KMT2C: variants seen among roughly 807,000 people sequenced by gnomAD.
KMT2C encodes the protein lysine methyltransferase 2C.
Under a neutral mutation model 507.9 loss-of-function variants are expected in KMT2C, and 88 were observed. The ratio of observed to expected loss-of-function variants is 0.17; its 90% CI spans 0.15 to 0.21. The LOEUF is 0.21. Ranked by LOEUF, KMT2C falls within the 10% of genes least tolerant of loss-of-function variation. The pLI is 1.00. For synonymous variants in KMT2C, 2,049 were observed against 2,080.8 expected (o/e 0.98, Z 0.42); for missense variants, 4,954 against 5,957.8 (o/e 0.83, Z 5.55).
rs554718860 is a variant in KMT2C at position 152,232,299 on chromosome 7, T to C, written c.2770-1978A>G. 2.0e-5 allele frequency among the ~76,000 whole-genome samples: 3 copies of C among 152,338 alleles called. No individual in the cohort carries two copies. The East Asian group carries it at 5.8e-4, about 29-fold the overall frequency. On this transcript the variant is annotated intron_variant, in intron 16 of 58. Coordinates refer to ENST00000262189, the MANE Select transcript of KMT2C (RefSeq NM_170606.3). ...CATCATTAGGGAGTAAGTAAAGCAA[T>C]GACAAATCCAAACATTAGAAAATTA...
rs1160527130 is a variant in KMT2C at position 152,385,611 on chromosome 7, C to CAAAAA, written c.162-26941_162-26937dup. Among the ~76,000 whole-genome samples the CAAAAA allele has an allele frequency of 4.4e-3, 86 of 19,440 alleles. 12 individuals are homozygous for CAAAAA. Among genetic ancestry groups the CAAAAA allele is most frequent in the South Asian group, 7.4e-3 (3 of 404 alleles). The allele number at this position is 19,440 out of a possible 152,430, so 12.8% of individuals were successfully genotyped here. ...TGGGCGACAGAGCGAGACTCCGTCT[C>CAAAAA]AAAAAAAAAAAAAAAAAAAAAAAAA... On this transcript the variant is annotated intron_variant, in intron 1 of 58. Coordinates refer to ENST00000262189, the MANE Select transcript of KMT2C (RefSeq NM_170606.3).
At chr7:152,300,295 T>C (rs764112355) in intron 6 of KMT2C, among the ~76,000 whole-genome samples, 5 of 152,256 alleles carry the variant, frequency 3.3e-5, no homozygotes, top group Non-Finnish European at 5.9e-5. Context: ...TTCTGAGAAC[T>C]TGAATTTCAA....
chr7:152,180,703 G>A lies in KMT2C; in HGVS notation c.7149+8C>T, dbSNP rs1375460538. 6.3e-7 allele frequency: 1 copy of A among 1,585,646 alleles called. No homozygotes were observed. Among genetic ancestry groups the A allele is most frequent in the African/African-American group, 1.3e-5 (1 of 74,094 alleles). On this transcript the variant is annotated splice_region_variant and intron_variant, in intron 36 of 58. Coordinates refer to ENST00000262189, the MANE Select transcript of KMT2C (RefSeq NM_170606.3). ...ACATTTAAAACTGAGAACATACAAT[G>A]TGTTTACCTGTCTCAATTTCTCTGT... is the stretch of plus-strand genomic sequence containing the variant.
chr7:152,257,246 A>G (rs1481476732), intron 9 of KMT2C, among the ~76,000 whole-genome samples: 1 of 152,204 alleles, frequency 6.6e-6, no homozygotes, highest in African/African-American at 2.4e-5. Flanking sequence ...ATTACACGAA[A>G]AAAGCAACAT....
At chr7:152,360,847 C>G (rs1454661826) in intron 1 of KMT2C, among the ~76,000 whole-genome samples, 1 of 146,642 alleles carries the variant, frequency 6.8e-6, no homozygotes, top group Non-Finnish European at 1.5e-5. Flanking sequence ...GAAATTCTAT[C>G]TCAAAAAGAA....
rs757491037 is a variant in KMT2C at position 152,138,945 on chromosome 7, T to C, written c.14535-41A>G. ...TCAGAAAACTGTATTGTAAAACAGC[T>C]AGAAGCAGCTTTAAAAACTTCCCAT... On this transcript the variant is annotated intron_variant, in intron 57 of 58. Coordinates refer to ENST00000262189, the MANE Select transcript of KMT2C (RefSeq NM_170606.3). This position sits in a 1 kb window ranked among gnomAD's most constrained non-coding sequence, Gnocchi z 4.2. 2.2e-5 allele frequency: 32 copies of C among 1,462,454 alleles called. No individual in the cohort carries two copies. The highest frequency in any genetic ancestry group is 2.0e-4 in the Admixed American group (12 of 59,446). 90.6% of individuals were successfully genotyped at this position (1,462,454 alleles called of 1,614,324 possible).
chr7:152,171,375 T>A (rs1462969609), intron 39 of KMT2C, 33 bp from the exon 40 acceptor site: 1 of 1,387,822 alleles, frequency 7.2e-7, no homozygotes, highest in South Asian at 1.3e-5. Flanking sequence ...TATCAAGTGA[T>A]GAGCGTTTAG....
intron 1 of KMT2C, among the ~76,000 whole-genome samples, chr7:152,360,687 A>T (rs2097189800): frequency 6.6e-6 from 1 of 151,732 alleles, no homozygotes; most frequent in Non-Finnish European, 1.5e-5. Flanking sequence ...AAATACAAAA[A>T]CAAAAAGAAA....
intron 2 of KMT2C, among the ~76,000 whole-genome samples, chr7:152,355,994 A>G (rs917346279): frequency 2.0e-5 from 3 of 152,112 alleles, no homozygotes; most frequent in Non-Finnish European, 4.4e-5. Flanking sequence ...ACAACTGCAG[A>G]ACCAAAGTCC....
intron 9 of KMT2C, among the ~76,000 whole-genome samples, chr7:152,255,108 C>CTT (rs1374484988): frequency 3.3e-5 from 2 of 60,674 alleles, no homozygotes; most frequent in East Asian, 5.4e-4. Flanking sequence ...TCAACTCTCA[C>CTT]TTATATATAT....
intron 2 of KMT2C, among the ~76,000 whole-genome samples, chr7:152,354,615 T>C (rs1429418587): frequency 3.9e-5 from 6 of 152,220 alleles, no homozygotes; most frequent in Non-Finnish European, 5.9e-5. Context: ...AAACTGTAAC[T>C]GAGTAGAGAC....
intron 23 of KMT2C, among the ~76,000 whole-genome samples, chr7:152,208,648 A>T (rs180995065): frequency 1.3e-5 from 2 of 152,348 alleles, no homozygotes; most frequent in African/African-American, 4.8e-5. Flanking sequence ...TTTCCAAGTT[A>T]TATATGCTTT....
At chr7:152,141,234 C>T (rs1387630807) in intron 55 of KMT2C, among the ~76,000 whole-genome samples, 1 of 150,798 alleles carries the variant, frequency 6.6e-6, no homozygotes, top group African/African-American at 2.4e-5. Context: ...AGTGAGACTC[C>T]AGAGGCTGAG....
chr7:152,192,046 A>G (rs2093811416), intron 31 of KMT2C, among the ~76,000 whole-genome samples: 1 of 151,996 alleles, frequency 6.6e-6, no homozygotes, highest in South Asian at 2.1e-4. Flanking sequence ...AGAAAAAAAA[A>G]AAAAGAAAAA....
At chr7:152,249,669 C>G (rs568069792) in intron 13 of KMT2C, among the ~76,000 whole-genome samples, 3 of 126,326 alleles carry the variant, frequency 2.4e-5, no homozygotes, top group East Asian at 2.4e-4. Context: ...TGACCTCCCC[C>G]CTCCAAAAAA....
At chr7:152,277,970 T>C (rs189136512) in intron 6 of KMT2C, among the ~76,000 whole-genome samples, 90 of 152,176 alleles carry the variant, frequency 5.9e-4, no homozygotes, top group Non-Finnish European at 9.3e-4. Context: ...ACTTCATTTA[T>C]GTATGTGTGT....
At chr7:152,419,823 C>T (rs972879199) in intron 1 of KMT2C, among the ~76,000 whole-genome samples, 1 of 152,202 alleles carries the variant, frequency 6.6e-6, no homozygotes, top group Admixed American at 6.5e-5. Flanking sequence ...CCCATGTGAT[C>T]AGTAATTATC....
rs1254329338 is a variant in KMT2C at position 152,263,070 on chromosome 7, A to G, written c.1245T>C (p.Thr415=). The G allele has an allele frequency of 3.7e-6, 6 of 1,612,758 alleles. No individual in the cohort carries two copies. ...VCDTCDKGYH[T]FCLQPVMKSV... is the part of the protein sequence containing the mutation. Reference sequence around the variant, plus strand: ...ATTTCATAACTGGTTGAAGACAAAAAGTATGATACCCTTTGTCACACGTAT... The same window carrying G: ...ATTTCATAACTGGTTGAAGACAAAAGGTATGATACCCTTTGTCACACGTAT... Residue 415 remains threonine, a synonymous_variant, in exon 9 of 59, where the codon ACT becomes ACC. Transcript: ENST00000262189.
intron 5 of KMT2C, among the ~76,000 whole-genome samples, 195 bp from the exon 6 acceptor site, chr7:152,310,270 G>C (rs1422375821): frequency 6.6e-6 from 1 of 152,142 alleles, no homozygotes; most frequent in Non-Finnish European, 1.5e-5. Context: ...ATCAAACTGA[G>C]AAATTCTTAG....
Sources: allele counts gnomAD v4.1 joint callset (sites outside exome capture counted in the v4.1 genomes callset), GRCh38; gene constraint gnomAD v4.1.1; non-coding constraint Gnocchi (gnomAD v3.1); transcripts MANE v1.5; gene names NCBI Gene and HGNC (gene_info 2026-07-23, HGNC 2026-07-21).